HADHA: variants seen among roughly 807,000 people sequenced by gnomAD.
HADHA encodes trifunctional enzyme subunit alpha, mitochondrial.
Under a neutral mutation model 91.3 loss-of-function variants are expected in HADHA, and 59 were observed. The observed-to-expected ratio is 0.65, with a 90% CI of 0.52 to 0.80. The LOEUF is 0.80. Ranked by LOEUF, HADHA falls within the 30% of genes least tolerant of loss-of-function variation. HADHA has a pLI of 0.00. For synonymous variants in HADHA, 320 were observed against 338.9 expected (o/e 0.94, Z 0.61); for missense variants, 800 against 927.6 (o/e 0.86, Z 1.79).
Position 26,229,122 on chromosome 2 carries a change from C to T in HADHA, c.676+1070G>A, listed in dbSNP as rs772279775. Among the ~76,000 whole-genome samples, 21 of 152,090 alleles carry T rather than the reference C, an allele frequency of 1.4e-4. No homozygotes were observed. The highest frequency in any genetic ancestry group is 2.8e-4 in the Non-Finnish European group (19 of 68,018). Reference sequence around the variant, plus strand: ...TTGGGTGGCTGAGGGAGGAGGATTACTTGAGCCCGGAGTTTGAGACTAGCC... The same window carrying T: ...TTGGGTGGCTGAGGGAGGAGGATTATTTGAGCCCGGAGTTTGAGACTAGCC... On this transcript the variant is annotated intron_variant, in intron 7 of 19. Coordinates refer to ENST00000380649, the MANE Select transcript of HADHA (RefSeq NM_000182.5). This position sits in a 1 kb window ranked among gnomAD's most constrained non-coding sequence, Gnocchi z 4.3.
At chr2:26,239,737 A>C (rs76980833) in intron 1 of HADHA, among the ~76,000 whole-genome samples, 5 of 151,918 alleles carry the variant, frequency 3.3e-5, no homozygotes, top group Admixed American at 1.3e-4. Flanking sequence ...AAAAAAAAAA[A>C]GAAAGAAAAC....
Position 26,191,618 on chromosome 2 carries a change from CG to C in HADHA, c.2010del (p.Asp670GlufsTer9), listed in dbSNP as rs1669507506. ...GTCACCAGGCGGAACTGGATGTCTT[CG>C]TCTGATGAGCTGCCAACAGAAAGAG... is the stretch of plus-strand genomic sequence containing the variant. The part of the protein sequence containing the change: ...KLPPKSEVSS[D>X]EDIQFRLVTR... On this transcript the variant is annotated frameshift_variant, in exon 19 of 20. Coordinates refer to ENST00000380649, the MANE Select transcript of HADHA (RefSeq NM_000182.5). LOFTEE classifies it high-confidence loss of function. 3 of 1,614,076 alleles carry C rather than the reference CG, an allele frequency of 1.9e-6. No individual in the cohort carries two copies. Among genetic ancestry groups the C allele is most frequent in the Non-Finnish European group, 2.5e-6 (3 of 1,180,006 alleles).
intron 17 of HADHA, among the ~76,000 whole-genome samples, chr2:26,192,757 A>G (rs1669547375): frequency 6.6e-6 from 1 of 152,130 alleles, no homozygotes; most frequent in Non-Finnish European, 1.5e-5. Context: ...AAAACAAACA[A>G]AAAAGACCCT....
Position 26,191,652 on chromosome 2 carries a change from G to A in HADHA, c.2001-24C>T, listed in dbSNP as rs764719697. 3.1e-6 allele frequency: 5 copies of A among 1,613,408 alleles called. No homozygotes were observed. In the South Asian group the frequency reaches 5.5e-5, roughly 18 times the overall value. On this transcript the variant is annotated intron_variant, in intron 18 of 19. Transcript: ENST00000380649. ...AGCTGCCAACAGAAAGAGATGTTTA[G>A]GTAGAAGAAGAGGAAAAGGGGAGGA...
intron 14 of HADHA, 48 bp from the exon 15 acceptor site, chr2:26,195,280 A>G (rs1180640220): frequency 6.6e-7 from 1 of 1,524,556 alleles, no homozygotes; most frequent in South Asian, 1.1e-5. Flanking sequence ...GCGGGTGAGG[A>G]ACCTGAGAGC....
At position 26,193,860 on chromosome 2, in the gene HADHA, T is replaced by A. The variant is rs1669584921; in HGVS notation, c.1690-88A>T. The stretch of plus-strand genomic sequence containing the variant: ...CCTGTACTGGCTCCAAACACTGCCT[T>A]GTGTAAAACCCACTTCTGAGTGTCA... On this transcript the variant is annotated intron_variant, in intron 16 of 19. Coordinates refer to ENST00000380649, the MANE Select transcript of HADHA (RefSeq NM_000182.5). The A allele has an allele frequency of 6.9e-6, 7 of 1,017,234 alleles. No homozygotes were observed. The South Asian group carries it at 9.0e-5, about 13-fold the overall frequency. The allele number at this position is 1,017,234 out of a possible 1,614,324, so 63.0% of individuals were successfully genotyped here.
chr2:26,227,945 A>G (rs1046929379), intron 7 of HADHA, among the ~76,000 whole-genome samples: 27 of 151,512 alleles, frequency 1.8e-4, no homozygotes, highest in African/African-American at 6.3e-4. Context: ...CCTCCCTAGT[A>G]GCCAGGACTA....
At chr2:26,203,426 T>C (rs985530947) in intron 12 of HADHA, among the ~76,000 whole-genome samples, 1 of 152,096 alleles carries the variant, frequency 6.6e-6, no homozygotes, top group East Asian at 1.9e-4. Flanking sequence ...AGGCAGCATG[T>C]GTGTGATGGT....
intron 1 of HADHA, among the ~76,000 whole-genome samples, chr2:26,241,726 G>A (rs1484964137): frequency 6.6e-6 from 1 of 151,906 alleles, no homozygotes; most frequent in African/African-American, 2.4e-5. Flanking sequence ...CATCTCCTGT[G>A]AAATTATTTT....
At chr2:26,238,909 A>G (rs778749629) in intron 3 of HADHA, 25 bp downstream of exon 3, 3 of 1,508,512 alleles carry the variant, frequency 2.0e-6, no homozygotes, top group Admixed American at 1.7e-5. Context: ...GTTAGCAGAA[A>G]AAAACTGCAA....
In HADHA at chr2:26,227,402, C is replaced by G. The variant is rs538863699; in HGVS notation, c.676+2790G>C. 2.0e-5 allele frequency among the ~76,000 whole-genome samples: 3 copies of G among 152,100 alleles called. No homozygotes were observed. In the East Asian group the frequency reaches 5.8e-4, roughly 29 times the overall value. ...TGGTGGGCGCCTGTAGTCCCAGCTA[C>G]TTGGGACGCTGAGGCAGGAGAATCG... On this transcript the variant is annotated intron_variant, in intron 7 of 19. Transcript: ENST00000380649.
intron 6 of HADHA, among the ~76,000 whole-genome samples, chr2:26,231,662 T>G (rs1389534245): frequency 1.3e-5 from 2 of 152,132 alleles, no homozygotes; most frequent in African/African-American, 4.8e-5. Flanking sequence ...CAAAGGACCT[T>G]GATCAATAAT....
chr2:26,192,390 C>CTGAT lies in HADHA; in HGVS notation c.1916_1919dup (p.Glu641SerfsTer12), dbSNP rs796051971. ...TCAAATCCTTCCTCTTCACACCCTC[C>CTGAT]TGATAGATGTAAAAGCCCTTCCCAG... On this transcript the variant is annotated frameshift_variant, in exon 18 of 20. Coordinates refer to ENST00000380649, the MANE Select transcript of HADHA (RefSeq NM_000182.5). LOFTEE classifies it high-confidence loss of function. 4.4e-6 allele frequency: 7 copies of CTGAT among 1,606,908 alleles called. No homozygotes were observed. Among genetic ancestry groups the CTGAT allele is most frequent in the Non-Finnish European group, 5.1e-6 (6 of 1,173,410 alleles).
At chr2:26,197,206 G>A (rs1422538088) in intron 14 of HADHA, among the ~76,000 whole-genome samples, 2 of 152,064 alleles carry the variant, frequency 1.3e-5, no homozygotes, top group African/African-American at 4.8e-5. Context: ...AAATTTCTGG[G>A]CATCATTCCA....
chr2:26,209,306 CT>C (rs1447262073), intron 11 of HADHA, among the ~76,000 whole-genome samples: 3 of 152,180 alleles, frequency 2.0e-5, no homozygotes, highest in Non-Finnish European at 4.4e-5. Context: ...AAAAGGCTGG[CT>C]TATGGCAATA....
chr2:26,230,327 G>A (rs904490739), intron 6 of HADHA, 33 bp from the exon 7 acceptor site: 64 of 1,240,230 alleles, frequency 5.2e-5, no homozygotes, highest in Non-Finnish European at 7.0e-5. Context: ...AATATAGGGG[G>A]AAAAAAATCA....
At chr2:26,244,415 G>T in intron 1 of HADHA, 115 bp downstream of exon 1, 1 of 1,038,420 alleles carries the variant, frequency 9.6e-7, no homozygotes, top group Non-Finnish European at 1.5e-6. Context: ...CCCACAGAGG[G>T]CTGCGTCTCC....
rs1361173429 is a variant in HADHA, at chr2:26,239,098, T to G, written c.109+4A>C. On this transcript the variant is annotated splice_donor_region_variant and intron_variant, in intron 2 of 19. Coordinates refer to ENST00000380649, the MANE Select transcript of HADHA (RefSeq NM_000182.5). ...CATACACATTAAAAAGAAATTAAAC[T>G]TACTCAGCAAAGCAGAAGACCCTGT... The G allele has an allele frequency of 6.2e-7, 1 of 1,601,776 alleles. No homozygotes were observed.
rs1340311979 is a variant in HADHA at position 26,198,380 on chromosome 2, G to GT, written c.1393-604dup. ...CCCAACTTATTCATGTTTTTTTTTT[G>GT]TTTTTTTTTTTTAAAGACAGAGTCT... On this transcript the variant is annotated intron_variant, in intron 13 of 19. Transcript: ENST00000380649. Among the ~76,000 whole-genome samples the GT allele has an allele frequency of 1.9e-3, 223 of 117,228 alleles. 1 individual carries two copies. Among genetic ancestry groups the GT allele is most frequent in the Middle Eastern group, 4.1e-3 (1 of 246 alleles). 76.9% of individuals were successfully genotyped at this position (117,228 alleles called of 152,430 possible).
Sources: gnomAD v4.1 joint callset for allele counts (sites outside exome capture counted in the v4.1 genomes callset) on GRCh38, gnomAD v4.1.1 for gene constraint, Gnocchi (gnomAD v3.1) non-coding constraint, MANE v1.5 for transcripts, NCBI Gene and HGNC (gene_info 2026-07-23, HGNC 2026-07-21) for gene names.